SLCO5A1: variants seen among roughly 807,000 people sequenced by gnomAD.
SLCO5A1 encodes the protein organic anion transporter polypeptide-related protein 4.
SLCO5A1 carries 39 observed loss-of-function variants against 65.1 expected under a neutral mutation model. That is an observed-to-expected ratio of 0.60 (90% CI 0.46 to 0.78). The LOEUF (loss-of-function observed/expected upper bound fraction) is 0.78, where lower values mean the gene tolerates loss of function less well. SLCO5A1 is among the 30% of genes least tolerant of loss of function. The pLI is 0.00. For missense variants in SLCO5A1, 1,029 were observed against 1,069.4 expected (o/e 0.96, Z 0.53); for synonymous variants, 438 against 415.7 (o/e 1.05, Z -0.65).
intron 2 of SLCO5A1, among the ~76,000 whole-genome samples, chr8:69,778,136 A>G (rs2100149415): frequency 6.6e-6 from 1 of 152,058 alleles, no homozygotes; most frequent in African/African-American, 2.4e-5. Context: ...TATAGGGTTC[A>G]GTTCTATACG....
At chr8:69,790,675 T>C (rs1465241258) in intron 2 of SLCO5A1, among the ~76,000 whole-genome samples, 2 of 151,854 alleles carry the variant, frequency 1.3e-5, no homozygotes, top group Non-Finnish European at 2.9e-5. Flanking sequence ...AGAATAATAA[T>C]TGAGGAAAGA....
At chr8:69,740,610 A>G (rs1437631699) in intron 4 of SLCO5A1, among the ~76,000 whole-genome samples, 4 of 152,222 alleles carry the variant, frequency 2.6e-5, no homozygotes, top group Non-Finnish European at 5.9e-5. Flanking sequence ...GCATCCACCT[A>G]GCAACCAATT....
In SLCO5A1 at chr8:69,832,020, G is replaced by C; in HGVS notation, c.654C>G (p.Ile218Met). Residue 218 changes from isoleucine to methionine, a missense_variant, in exon 2 of 10, where the codon ATC becomes ATG. By Grantham distance (10) the Ile-to-Met change is conservative. Around this residue, in one of 3 missense-constraint regions of SLCO5A1, gnomAD observed 647 missense variants for 647.5 expected, o/e 1.00. Coordinates refer to ENST00000260126, the MANE Select transcript of SLCO5A1 (RefSeq NM_030958.3). The surrounding 1 kb of genome is among the most constrained non-coding windows in gnomAD (Gnocchi z 4.5). The stretch of plus-strand genomic sequence containing the variant: ...ACTCTTGGATCTGGTAGGGGGGCGA[G>C]ATGAAGTGAGGTAAGGCGAAGAGGG... ...GAALFALPHF[I>M]SPPYQIQELN... 6.2e-7 allele frequency: 1 copy of C among 1,605,124 alleles called. No individual in the cohort carries two copies. The highest frequency in any genetic ancestry group is 1.3e-5 in the African/African-American group (1 of 74,798).
rs528481892 is a variant in SLCO5A1, at chr8:69,821,534, C to T, written c.907+10233G>A. ...AGAAAATAGGCCAGAATAGACCAGG[C>T]GCAGTGGCTCACATCTGTAATCCCA... On this transcript the variant is annotated intron_variant, in intron 2 of 9. Coordinates refer to ENST00000260126, the MANE Select transcript of SLCO5A1 (RefSeq NM_030958.3). Among the ~76,000 whole-genome samples, 5 of 152,020 alleles carry T rather than the reference C, an allele frequency of 3.3e-5. No individual in the cohort carries two copies. The East Asian group carries it at 7.7e-4, about 24-fold the overall frequency.
intron 3 of SLCO5A1, among the ~76,000 whole-genome samples, chr8:69,756,167 T>TATA (rs1817534327): frequency 6.6e-6 from 1 of 152,198 alleles, no homozygotes; most frequent in South Asian, 2.1e-4. Flanking sequence ...CTCACACCTA[T>TATA]AATCCCAGCA....
At chr8:69,816,832 C>T (rs1820431072) in intron 2 of SLCO5A1, among the ~76,000 whole-genome samples, 3 of 152,172 alleles carry the variant, frequency 2.0e-5, no homozygotes, top group Admixed American at 2.0e-4. Flanking sequence ...GAAGTACAGA[C>T]TCACATTATT....
chr8:69,791,361 A>G (rs1241785525), intron 2 of SLCO5A1, among the ~76,000 whole-genome samples: 1 of 152,252 alleles, frequency 6.6e-6, no homozygotes, highest in Non-Finnish European at 1.5e-5. Context: ...AATGGCAGCA[A>G]TCATGATAAA....
intron 2 of SLCO5A1, among the ~76,000 whole-genome samples, chr8:69,778,507 A>G (rs922980976): frequency 6.6e-6 from 1 of 152,172 alleles, no homozygotes; most frequent in Non-Finnish European, 1.5e-5. Flanking sequence ...CCATGTGTTA[A>G]AAGTTGTTAG....
intron 2 of SLCO5A1, among the ~76,000 whole-genome samples, chr8:69,830,341 C>A (rs1410594212): frequency 6.6e-6 from 1 of 152,044 alleles, no homozygotes; most frequent in Non-Finnish European, 1.5e-5. Context: ...CTAAATATAG[C>A]TAGTATTTGC....
chr8:69,697,423 T>C (rs979912331), intron 6 of SLCO5A1, among the ~76,000 whole-genome samples: 3 of 151,988 alleles, frequency 2.0e-5, no homozygotes, highest in Non-Finnish European at 4.4e-5. Flanking sequence ...CACACACAGC[T>C]CTACGAACAG....
chr8:69,728,146 T>C (rs1179706848), intron 5 of SLCO5A1, among the ~76,000 whole-genome samples: 2 of 152,192 alleles, frequency 1.3e-5, no homozygotes, highest in Non-Finnish European at 2.9e-5. Context: ...GAACAGGGCA[T>C]ATAGCATGCC....
chr8:69,792,304 A>G (rs1209011096), intron 2 of SLCO5A1, among the ~76,000 whole-genome samples: 2 of 152,230 alleles, frequency 1.3e-5, no homozygotes, highest in African/African-American at 4.8e-5. Context: ...AAGATCTTGA[A>G]GGACAAGTAA....
intron 2 of SLCO5A1, among the ~76,000 whole-genome samples, chr8:69,787,634 A>G (rs1020853985): frequency 2.6e-5 from 4 of 152,262 alleles, no homozygotes; most frequent in African/African-American, 9.6e-5. Flanking sequence ...CAAACGAACA[A>G]GTATTCACAC....
At chr8:69,691,190 A>G (rs529743560) in intron 6 of SLCO5A1, among the ~76,000 whole-genome samples, 1 of 152,270 alleles carries the variant, frequency 6.6e-6, no homozygotes, top group Admixed American at 6.5e-5. Flanking sequence ...AGCAAAACAC[A>G]TTTCTTAATT....
rs1455223077 is a variant in SLCO5A1 at position 69,812,564 on chromosome 8, C to T, written c.907+19203G>A. ...TAAATAAGTGCCCCACCAGAATCCACGTGAGGGCCCTGCAGACCTCTCCCT... is the reference window on the plus strand; with the variant it reads ...TAAATAAGTGCCCCACCAGAATCCATGTGAGGGCCCTGCAGACCTCTCCCT... On this transcript the variant is annotated intron_variant, in intron 2 of 9. Transcript: ENST00000260126. Among the ~76,000 whole-genome samples, 6 of 152,178 alleles carry T rather than the reference C, an allele frequency of 3.9e-5. No individual in the cohort carries two copies. In the South Asian group the frequency reaches 8.3e-4, roughly 21 times the overall value.
intron 2 of SLCO5A1, among the ~76,000 whole-genome samples, chr8:69,784,861 A>AAGAAAGAAAGAAAGAAAGAG (rs1376200828): frequency 5.2e-5 from 7 of 135,416 alleles, no homozygotes; most frequent in African/African-American, 1.7e-4. Context: ...GAAAGAAAGA[A>AAGAAAGAAAGAAAGAAAGAG]AGGGAAGGAA....
intron 2 of SLCO5A1, among the ~76,000 whole-genome samples, chr8:69,784,811 A>AAAGG (rs1554620799): frequency 2.3e-4 from 16 of 70,950 alleles, no homozygotes; most frequent in African/African-American, 1.2e-3. Context: ...GAAAGAAAGA[A>AAAGG]AAAGAAAGAA....
chr8:69,780,516 G>A (rs947886221), intron 2 of SLCO5A1, among the ~76,000 whole-genome samples: 3 of 152,132 alleles, frequency 2.0e-5, no homozygotes, highest in African/African-American at 7.2e-5. Flanking sequence ...GAATGTAACT[G>A]GAGTCCATTA....
In SLCO5A1 at chr8:69,796,374, T is replaced by A. The variant is rs544415381; in HGVS notation, c.908-34499A>T. On this transcript the variant is annotated intron_variant, in intron 2 of 9. Coordinates refer to ENST00000260126, the MANE Select transcript of SLCO5A1 (RefSeq NM_030958.3). ...CACACCTGTAATCACAGCATTTTGG[T>A]AGGCTGAGGCAGGAGGATCACTTGA... 2.6e-5 allele frequency among the ~76,000 whole-genome samples: 4 copies of A among 152,036 alleles called. No individual in the cohort carries two copies. In the South Asian group the frequency reaches 8.3e-4, roughly 32 times the overall value.
Sources: allele counts gnomAD v4.1 joint callset (sites outside exome capture counted in the v4.1 genomes callset), GRCh38; gene constraint gnomAD v4.1.1; regional missense constraint gnomAD v4.1.1; non-coding constraint Gnocchi (gnomAD v3.1); transcripts MANE v1.5; gene names NCBI Gene and HGNC (gene_info 2026-07-23, HGNC 2026-07-21).